The following ME3 variants were observed in gnomAD, a reference collection of about 807,000 sequenced individuals.
ME3 encodes the protein NADP-dependent malic enzyme, mitochondrial.
A neutral mutation model predicts 68.9 loss-of-function variants in ME3; 48 were observed. The observed-to-expected ratio is 0.70, with a 90% CI of 0.55 to 0.89. ME3 has a LOEUF of 0.89. Ranked by LOEUF, ME3 falls within the 40% of genes least tolerant of loss-of-function variation. The probability of loss-of-function intolerance (pLI) is 0.00; values close to 1 mark genes in which losing one functional copy is unlikely to be tolerated. For missense variants in ME3, 675 were observed against 797.4 expected (o/e 0.85, Z 1.85); for synonymous variants, 320 against 318.8 (o/e 1.00, Z -0.04).
At chr11:86,445,401 G>T (rs116467721) in intron 13 of ME3, among the ~76,000 whole-genome samples, 1,954 of 152,378 alleles carry the variant, frequency 0.013, 49 homozygotes, top group African/African-American at 0.045. Flanking sequence ...AGTGGATCCA[G>T]ACAGGGCTGT....
chr11:86,453,174 A>G (rs978541248), intron 8 of ME3, among the ~76,000 whole-genome samples: 3 of 151,764 alleles, frequency 2.0e-5, no homozygotes, highest in African/African-American at 7.3e-5. Flanking sequence ...AATTTTTTGT[A>G]TTTTTAGTAG....
At chr11:86,535,625 T>G (rs1955599219) in intron 4 of ME3, among the ~76,000 whole-genome samples, 1 of 152,204 alleles carries the variant, frequency 6.6e-6, no homozygotes, top group Non-Finnish European at 1.5e-5. Context: ...TAAATCCAAT[T>G]AAGTTTCAGA....
chr11:86,457,851 T>C (rs1433355032), intron 8 of ME3: 13 of 1,180,036 alleles, frequency 1.1e-5, no homozygotes, highest in Non-Finnish European at 1.3e-5. Context: ...AGGTTGTAGC[T>C]TCAGGAAATA....
At chr11:86,449,481 C>T (rs1015962984) in intron 10 of ME3, among the ~76,000 whole-genome samples, 3 of 152,152 alleles carry the variant, frequency 2.0e-5, no homozygotes, top group Non-Finnish European at 4.4e-5. Flanking sequence ...AACATTTGAG[C>T]ACTATCAGAA....
intron 2 of ME3, among the ~76,000 whole-genome samples, chr11:86,560,748 G>GTGTATGTGTGTATA (rs1243025217): frequency 1.8e-4 from 11 of 62,530 alleles, no homozygotes; most frequent in African/African-American, 4.1e-4. Flanking sequence ...GTGTGTGTGT[G>GTGTATGTGTGTATA]TATATATATA....
intron 8 of ME3, among the ~76,000 whole-genome samples, chr11:86,454,207 C>CT (rs1288996841): frequency 1.3e-5 from 2 of 152,188 alleles, no homozygotes; most frequent in Non-Finnish European, 2.9e-5. Context: ...TTCCAATATA[C>CT]TTTGTGTTTT....
chr11:86,505,528 G>A (rs997603001), intron 5 of ME3, among the ~76,000 whole-genome samples: 5 of 151,260 alleles, frequency 3.3e-5, no homozygotes, highest in Admixed American at 2.0e-4. Context: ...TTTAGGGGTC[G>A]AATCATTTGA....
chr11:86,597,979 G>A (rs990624751), intron 2 of ME3, among the ~76,000 whole-genome samples: 3 of 152,082 alleles, frequency 2.0e-5, no homozygotes, highest in East Asian at 2.0e-4. Flanking sequence ...CAAGATGGCC[G>A]AATAGGAACA....
At chr11:86,570,247 C>T (rs1242050562) in intron 2 of ME3, among the ~76,000 whole-genome samples, 1 of 152,226 alleles carries the variant, frequency 6.6e-6, no homozygotes, top group African/African-American at 2.4e-5. Flanking sequence ...CTCCATCAAT[C>T]AACCGTGGCA....
At chr11:86,479,800 C>T (rs1438694033) in intron 7 of ME3, among the ~76,000 whole-genome samples, 1 of 146,068 alleles carries the variant, frequency 6.8e-6, no homozygotes, top group South Asian at 2.2e-4. Flanking sequence ...GTTGAAGACA[C>T]AGCTGATGTC....
intron 2 of ME3, among the ~76,000 whole-genome samples, chr11:86,658,999 A>AG (rs1485553389): frequency 1.3e-5 from 2 of 152,230 alleles, no homozygotes; most frequent in Admixed American, 1.3e-4. Context: ...TCTACTGCCT[A>AG]GAATAGACCA....
At chr11:86,459,016 C>T (rs1950093428) in intron 8 of ME3, among the ~76,000 whole-genome samples, 2 of 152,208 alleles carry the variant, frequency 1.3e-5, no homozygotes. Context: ...TGGGTGACCA[C>T]CGTCCAGTGT....
chr11:86,559,975 G>A, intron 2 of ME3, 152 bp from the exon 3 acceptor site: 1 of 786,784 alleles, frequency 1.3e-6, no homozygotes, highest in Admixed American at 3.5e-5. Context: ...TAAAGTAGGA[G>A]GGTCATCTTG....
intron 4 of ME3, among the ~76,000 whole-genome samples, chr11:86,554,536 A>G (rs1024191633): frequency 7.2e-5 from 11 of 152,180 alleles, no homozygotes; most frequent in Admixed American, 1.3e-4. Context: ...CCTTTCTACA[A>G]TAGTTACTGA....
At chr11:86,463,936 A>G (rs1227020753) in intron 8 of ME3, 1 of 206,254 alleles carries the variant, frequency 4.8e-6, no homozygotes, top group Non-Finnish European at 1.0e-5. Flanking sequence ...CAGTGTTTTC[A>G]TTCATAAGAC....
chr11:86,619,993 G>A (rs1374984588), intron 2 of ME3, among the ~76,000 whole-genome samples: 1 of 151,818 alleles, frequency 6.6e-6, no homozygotes, highest in African/African-American at 2.4e-5. Flanking sequence ...ATTTTCCAGT[G>A]TAGTTATCTT....
chr11:86,439,253 T>C (rs1163494591), downstream of ME3, among the ~76,000 whole-genome samples: 1 of 152,240 alleles, frequency 6.6e-6, no homozygotes, highest in Non-Finnish European at 1.5e-5. Flanking sequence ...CATTTAAAGC[T>C]ATAAAGTTTC....
intron 7 of ME3, among the ~76,000 whole-genome samples, chr11:86,473,079 G>A (rs1316573856): frequency 1.3e-5 from 2 of 152,238 alleles, no homozygotes; most frequent in African/African-American, 2.4e-5. Flanking sequence ...CTCAGGCAGC[G>A]CCTGTGCACA....
intron 2 of ME3, among the ~76,000 whole-genome samples, chr11:86,658,132 A>T (rs964642780): frequency 2.0e-5 from 3 of 148,434 alleles, no homozygotes; most frequent in Non-Finnish European, 4.5e-5. Flanking sequence ...CTTCTTCACA[A>T]TTTTTTTTTT....
Sources: allele counts gnomAD v4.1 joint callset (sites outside exome capture counted in the v4.1 genomes callset), GRCh38; gene constraint gnomAD v4.1.1; transcripts MANE v1.5; gene names NCBI Gene and HGNC (gene_info 2026-07-23, HGNC 2026-07-21).